Variants in MIS18BP1 observed in about 807,000 individuals in gnomAD.
MIS18BP1 encodes the protein mis18-binding protein 1.
A neutral mutation model predicts 116.1 loss-of-function variants in MIS18BP1; 72 were observed. The observed-to-expected ratio is 0.62, with a 90% CI of 0.51 to 0.75. The LOEUF is 0.75. Ranked by LOEUF, MIS18BP1 falls within the 30% of genes least tolerant of loss-of-function variation. The pLI is 0.00. For synonymous variants in MIS18BP1, 386 were observed against 427.0 expected, an observed-to-expected ratio of 0.90 and a Z score of 1.18; for missense variants, 1,363 against 1,303.2, an observed-to-expected ratio of 1.05 and a Z score of -0.71.
At chr14:45,211,849 C>T (rs1200139769) in intron 13 of MIS18BP1, among the ~76,000 whole-genome samples, 5 of 152,200 alleles carry the variant, frequency 3.3e-5, no homozygotes, top group African/African-American at 9.7e-5. Flanking sequence ...TGCAGAACCT[C>T]CTTTTCTATT....
chr14:45,227,551 A>AAG, intron 9 of MIS18BP1, 112 bp downstream of exon 9: 22 of 604,816 alleles, frequency 3.6e-5, no homozygotes, highest in East Asian at 1.8e-4. Context: ...TCTCAAAAGA[A>AAG]AAAAAAAAAA....
intron 11 of MIS18BP1, among the ~76,000 whole-genome samples, chr14:45,220,852 C>A (rs910803511): frequency 6.6e-6 from 1 of 152,086 alleles, no homozygotes; most frequent in South Asian, 2.1e-4. Flanking sequence ...TTAAGAATAT[C>A]TGGCCGGGCT....
At position 45,227,692 on chromosome 14, in the gene MIS18BP1, T is replaced by G. The variant is rs778641941; in HGVS notation, c.1717A>C (p.Asn573His). 1 of 1,613,542 alleles carries G rather than the reference T, an allele frequency of 6.2e-7. No individual in the cohort carries two copies. The highest frequency in any genetic ancestry group is 1.3e-5 in the African/African-American group (1 of 74,900). Residue 573 changes from asparagine (N) to histidine (H), a missense_variant, in exon 9 of 17, where the codon AAT (asparagine) becomes CAT (histidine). Coordinates refer to ENST00000310806, the MANE Select transcript of MIS18BP1 (RefSeq NM_018353.5). ...PDDQVNNTIQ[N>H]GGGDDLSNQE... ...TTAGATAAGTCATCTCCTCCTCCAT[T>G]TTGAATAGTATTATTTACTTGGTCA...
At chr14:45,225,274 T>C (rs1422246580) in intron 10 of MIS18BP1, among the ~76,000 whole-genome samples, 1 of 152,214 alleles carries the variant, frequency 6.6e-6, no homozygotes, top group Non-Finnish European at 1.5e-5. Context: ...GTTTCCAGAA[T>C]ACTTTAAATA....
In MIS18BP1 at chr14:45,218,262, C is replaced by T; in HGVS notation, c.2842+20G>A. On this transcript the variant is annotated intron_variant, in intron 12 of 16. Coordinates refer to ENST00000310806, the MANE Select transcript of MIS18BP1 (RefSeq NM_018353.5). ...TCAACACTGAGTACTAGGAAAAAAA[C>T]TATTTACTACGAAGGTTACCATTTT... 6.2e-7 allele frequency: 1 copy of T among 1,607,300 alleles called. No homozygotes were observed. Among genetic ancestry groups the T allele is most frequent in the Non-Finnish European group, 8.5e-7 (1 of 1,177,952 alleles).
At chr14:45,250,990 TCGCGCCACTGCA>T (rs1245014881) in intron 1 of MIS18BP1, among the ~76,000 whole-genome samples, 2 of 138,164 alleles carry the variant, frequency 1.4e-5, no homozygotes, top group Non-Finnish European at 3.0e-5. Context: ...TGAGCCGACA[TCGCGCCACTGCA>T]CTCCAGCATG....
chr14:45,246,073 A>G (rs1206095055), intron 2 of MIS18BP1, among the ~76,000 whole-genome samples: 1 of 152,196 alleles, frequency 6.6e-6, no homozygotes, highest in Admixed American at 6.5e-5. Flanking sequence ...TCTATTTCAG[A>G]ACAGCCAGAG....
chr14:45,234,829 G>A (rs538008914), intron 6 of MIS18BP1, among the ~76,000 whole-genome samples: 2 of 152,320 alleles, frequency 1.3e-5, no homozygotes, highest in East Asian at 1.9e-4. Context: ...GTGGTGCCAG[G>A]TGGGTTCAAC....
At chr14:45,233,974 T>A (rs1891356018) in intron 6 of MIS18BP1, among the ~76,000 whole-genome samples, 1 of 151,988 alleles carries the variant, frequency 6.6e-6, no homozygotes, top group Non-Finnish European at 1.5e-5. Context: ...CGCAGTGTAT[T>A]AAAAGAAAGA....
chr14:45,230,699 A>G (rs1284915719), intron 8 of MIS18BP1, among the ~76,000 whole-genome samples: 3 of 152,162 alleles, frequency 2.0e-5, no homozygotes, highest in African/African-American at 7.2e-5. Flanking sequence ...GGTTCATTAC[A>G]GCCTCAACCA....
chr14:45,233,407 A>G (rs945155890), intron 6 of MIS18BP1, among the ~76,000 whole-genome samples: 6 of 152,126 alleles, frequency 3.9e-5, no homozygotes, highest in African/African-American at 1.4e-4. Flanking sequence ...AGAACTGACC[A>G]TTTACTTTGG....
In MIS18BP1 at chr14:45,217,865, T is replaced by C. The variant is rs138027145; in HGVS notation, c.2842+417A>G. ...AGGGTATTGGGTTCTCGCTAATGCT[T>C]ATTATAGAAATTCTCTGGCATAATC... On this transcript the variant is annotated intron_variant, in intron 12 of 16. Coordinates refer to ENST00000310806, the MANE Select transcript of MIS18BP1 (RefSeq NM_018353.5). Among the ~76,000 whole-genome samples, 513 of 152,344 alleles carry C rather than the reference T, an allele frequency of 3.4e-3. 5 individuals carry two copies. The highest frequency in any genetic ancestry group is 0.021 in the Admixed American group (322 of 15,302).
At position 45,204,171 on chromosome 14, in the gene MIS18BP1, C is replaced by T. The variant is rs144488244; in HGVS notation, c.3337G>A (p.Ala1113Thr). The T allele has an allele frequency of 4.2e-5, 68 of 1,611,416 alleles. No individual in the cohort carries two copies. Among genetic ancestry groups the T allele is most frequent in the Non-Finnish European group, 5.6e-5 (66 of 1,179,014 alleles). Residue 1113 changes from alanine (A) to threonine (T), a missense_variant, in exon 17 of 17, where the codon GCT (alanine) becomes ACT (threonine). Coordinates refer to ENST00000310806, the MANE Select transcript of MIS18BP1 (RefSeq NM_018353.5). ...NSGIGKLFTN[A>T]VESLDEEEKD... is the part of the protein sequence containing the mutation. ...TCTTCTTCATCTAAAGATTCCACAGCATTAGTGAAAAGTTTTCCAATACCA... is the reference window on the plus strand; with the variant it reads ...TCTTCTTCATCTAAAGATTCCACAGTATTAGTGAAAAGTTTTCCAATACCA...
rs1891067395 is a variant in MIS18BP1, at chr14:45,224,449, T to C, written c.2138A>G (p.Asp713Gly). ...AGTAAGTAAGTCACGTTCATCGCAA[T>C]CTTCCTTGTTTTTACTTTTATGACC... Reference protein sequence around the residue: ...FEGHKSKNKEDCDERDLLTVN... With the variant: ...FEGHKSKNKEGCDERDLLTVN... Residue 713 changes from aspartate (D) to glycine (G), a missense_variant, in exon 11 of 17, where the codon GAT becomes GGT. Physicochemically the swap from Asp to Gly is moderately conservative, Grantham distance 94. Transcript: ENST00000310806. 6.2e-7 allele frequency: 1 copy of C among 1,613,994 alleles called. No homozygotes were observed. The highest frequency in any genetic ancestry group is 1.3e-5 in the African/African-American group (1 of 75,068).
At chr14:45,246,519 C>T (rs1236889679) in intron 2 of MIS18BP1, among the ~76,000 whole-genome samples, 1 of 152,180 alleles carries the variant, frequency 6.6e-6, no homozygotes, top group African/African-American at 2.4e-5. Context: ...TTCCCATCAT[C>T]CTAATTCTGC....
intron 7 of MIS18BP1, 75 bp downstream of exon 7, chr14:45,232,658 G>T: frequency 1.2e-6 from 1 of 823,374 alleles, no homozygotes; most frequent in Non-Finnish European, 2.0e-6. Flanking sequence ...AGCTGGACAT[G>T]GTGGCACACA....
At chr14:45,234,704 G>A (rs548551212) in intron 6 of MIS18BP1, among the ~76,000 whole-genome samples, 1 of 152,276 alleles carries the variant, frequency 6.6e-6, no homozygotes, top group Admixed American at 6.5e-5. Flanking sequence ...ACCACTAAGG[G>A]ACTGTAACTT....
chr14:45,229,096 A>C (rs902992661), intron 8 of MIS18BP1, among the ~76,000 whole-genome samples: 1 of 151,398 alleles, frequency 6.6e-6, no homozygotes, highest in Non-Finnish European at 1.5e-5. Flanking sequence ...TCATAACAGA[A>C]TATATTAATA....
At chr14:45,227,854 TAA>T in intron 8 of MIS18BP1, 40 bp from the exon 9 acceptor site, 1 of 1,590,620 alleles carries the variant, frequency 6.3e-7, no homozygotes, top group South Asian at 1.1e-5. Context: ...AATGGTTATA[TAA>T]AAGAGAAGCT....
Sources: allele counts gnomAD v4.1 joint callset (sites outside exome capture counted in the v4.1 genomes callset), GRCh38; gene constraint gnomAD v4.1.1; transcripts MANE v1.5; gene names NCBI Gene and HGNC (gene_info 2026-07-23, HGNC 2026-07-21).